The following IL3RA variants were observed in gnomAD, a reference collection of about 807,000 sequenced individuals.
The protein encoded by IL3RA is interleukin 3 receptor subunit alpha, also known as interleukin-3 receptor subunit alpha.
Under a neutral mutation model 52.3 loss-of-function variants are expected in IL3RA, and 73 were observed. The ratio of observed to expected loss-of-function variants is 1.40; its 90% CI spans 1.16 to 1.70. IL3RA has a LOEUF of 1.70. IL3RA is among the 40% of genes most tolerant of loss of function. The pLI, the probability that IL3RA is intolerant of heterozygous loss-of-function variation, is 0.00. For synonymous variants in IL3RA, 260 were observed against 194.0 expected (o/e 1.34, Z -2.83); for missense variants, 664 against 504.4 (o/e 1.32, Z -3.03).
intron 4 of IL3RA, among the ~76,000 whole-genome samples, chrX:1,350,129 G>A (rs1258497795): frequency 2.6e-5 from 4 of 152,154 alleles, no homozygotes; most frequent in African/African-American, 9.7e-5. Flanking sequence ...GCAGGAGTGA[G>A]AGCTGAGAGA....
chrX:1,339,542 C>T (rs1318902131), intron 1 of IL3RA, among the ~76,000 whole-genome samples: 1 of 152,122 alleles, frequency 6.6e-6, no homozygotes, highest in Non-Finnish European at 1.5e-5. Context: ...GCCTGTCATC[C>T]CAGCACTTTG....
rs1410315644 is a variant in IL3RA at position 1,347,028 on chromosome X, A to G, written c.184-1403A>G. ...CCATGGCAAACTGACTCTCAACTTT[A>G]GAAACACAAATGCTGAAAAAAAAAC... is the stretch of plus-strand genomic sequence containing the variant. On this transcript the variant is annotated intron_variant, in intron 3 of 11. Coordinates refer to ENST00000331035, the MANE Select transcript of IL3RA (RefSeq NM_002183.4). 2.0e-5 allele frequency among the ~76,000 whole-genome samples: 3 copies of G among 146,900 alleles called. No individual in the cohort carries two copies. The South Asian group carries it at 6.5e-4, about 32-fold the overall frequency.
At chrX:1,353,495 G>A (rs1221571636) in intron 6 of IL3RA, among the ~76,000 whole-genome samples, 1 of 55,450 alleles carries the variant, frequency 1.8e-5, no homozygotes, top group Non-Finnish European at 3.7e-5. Context: ...TGAGTCATGG[G>A]ACCCCCCATC....
chrX:1,359,525 T>C (rs2087004198), intron 8 of IL3RA, among the ~76,000 whole-genome samples: 1 of 145,664 alleles, frequency 6.9e-6, no homozygotes, highest in Admixed American at 6.9e-5. Context: ...TGTATCTCCC[T>C]CCCTTTTTCC....
At chrX:1,373,876 A>T (rs369901521) in intron 9 of IL3RA, among the ~76,000 whole-genome samples, 1 of 55,896 alleles carries the variant, frequency 1.8e-5, no homozygotes, top group Non-Finnish European at 2.9e-5. Context: ...CCCAGGAGAG[A>T]GGCCTCAGGA....
At chrX:1,344,545 C>T (rs763603703) in intron 2 of IL3RA, among the ~76,000 whole-genome samples, 22 of 150,804 alleles carry the variant, frequency 1.5e-4, no homozygotes, top group East Asian at 4.0e-4. Context: ...GAGGCCGAGG[C>T]GGACAGATCA....
intron 2 of IL3RA, among the ~76,000 whole-genome samples, chrX:1,343,474 G>A (rs2085574673): frequency 6.6e-6 from 1 of 150,522 alleles, no homozygotes; most frequent in Non-Finnish European, 1.5e-5. Flanking sequence ...AAACCAGCTT[G>A]GCCATCATGG....
Position 1,348,723 on chromosome X carries a change from CCTTTCTTTTT to C in IL3RA, c.298+187_298+196del, listed in dbSNP as rs1372375240. 3.5e-5 allele frequency among the ~76,000 whole-genome samples: 2 copies of C among 57,096 alleles called. 1 individual carries two copies. Among genetic ancestry groups the C allele is most frequent in the Non-Finnish European group, 6.4e-5 (2 of 31,384 alleles). The allele number at this position is 57,096 out of a possible 152,430, so 37.5% of individuals were successfully genotyped here. ...TTCTTTCTGTTTCTGTTTCTTTCTT[CCTTTCTTTTT>C]CTTTCTTTCTTTCCTTCTTTCCTCT... On this transcript the variant is annotated intron_variant, in intron 4 of 11. Coordinates refer to ENST00000331035, the MANE Select transcript of IL3RA (RefSeq NM_002183.4).
intron 9 of IL3RA, among the ~76,000 whole-genome samples, chrX:1,368,557 C>G (rs2088362437): frequency 6.6e-6 from 1 of 152,162 alleles, no homozygotes; most frequent in Non-Finnish European, 1.5e-5. Flanking sequence ...CCCAGGACCT[C>G]AGAATGTGAC....
chrX:1,348,437 A>G lies in IL3RA; in HGVS notation c.190A>G (p.Asn64Asp). The change falls in exon 4 of 12, where the codon AAC becomes GAC. Residue 64 changes from asparagine to aspartate, a missense_variant. Asn to Asp is a conservative substitution (Grantham distance 23). Coordinates refer to ENST00000331035, the MANE Select transcript of IL3RA (RefSeq NM_002183.4). ...KDADYSMPAVNNSYCQFGAIS... is the reference protein window; with the variant it reads ...KDADYSMPAVDNSYCQFGAIS... ...AGTCCTATGTCTCTCTTAGGCAGTG[A>G]ACAATAGCTATTGCCAGTTTGGAGC... is the stretch of plus-strand genomic sequence containing the variant. 6.2e-7 allele frequency: 1 copy of G among 1,612,754 alleles called. No individual in the cohort carries two copies. The highest frequency in any genetic ancestry group is 8.5e-7 in the Non-Finnish European group (1 of 1,178,758).
At chrX:1,357,769 A>C (rs2086848111) in intron 7 of IL3RA, among the ~76,000 whole-genome samples, 1 of 151,152 alleles carries the variant, frequency 6.6e-6, no homozygotes, top group Non-Finnish European at 1.5e-5. Flanking sequence ...TATATTACCA[A>C]GTGTTTTTTA....
At chrX:1,344,523 C>CCA (rs1310141650) in intron 2 of IL3RA, among the ~76,000 whole-genome samples, 1 of 151,462 alleles carries the variant, frequency 6.6e-6, no homozygotes, top group Non-Finnish European at 1.5e-5. Context: ...GCTTGTAATC[C>CCA]CAGCACTTTG....
chrX:1,350,311 C>T (rs185429630), intron 4 of IL3RA, among the ~76,000 whole-genome samples: 3,150 of 148,372 alleles, frequency 0.021, 111 homozygotes, highest in African/African-American at 0.074. Flanking sequence ...AAAAATTAGC[C>T]GGGCATGGTG....
chrX:1,361,237 A>C (rs1449359779), intron 8 of IL3RA, among the ~76,000 whole-genome samples: 3 of 144,550 alleles, frequency 2.1e-5, no homozygotes, highest in African/African-American at 5.2e-5. Flanking sequence ...CTCTCCCATT[A>C]TTTCTCTGTG....
intron 1 of IL3RA, among the ~76,000 whole-genome samples, chrX:1,338,199 G>A (rs1299147732): frequency 6.7e-6 from 1 of 149,416 alleles, no homozygotes; most frequent in Non-Finnish European, 1.5e-5. Flanking sequence ...GGAACAAGCA[G>A]CTTTATTCAC....
chrX:1,361,694 A>G (rs1399536040), intron 8 of IL3RA, among the ~76,000 whole-genome samples: 22 of 145,034 alleles, frequency 1.5e-4, no homozygotes, highest in Non-Finnish European at 2.5e-4. Flanking sequence ...CAGAGGTTGC[A>G]GTGAGTTGAG....
Position 1,339,130 on chromosome X carries a change from G to A in IL3RA, c.-39+2204G>A, listed in dbSNP as rs186580154. Among the ~76,000 whole-genome samples the A allele has an allele frequency of 1.4e-3, 211 of 148,858 alleles. 1 individual carries two copies. The highest frequency in any genetic ancestry group is 5.0e-3 in the African/African-American group (192 of 38,442). Reference sequence around the variant, plus strand: ...GCTGGGATTATAGGCGTGAGCCACCGCGCCTGGCCAATGAAAATATTAATC... The same window carrying A: ...GCTGGGATTATAGGCGTGAGCCACCACGCCTGGCCAATGAAAATATTAATC... On this transcript the variant is annotated intron_variant, in intron 1 of 11. Coordinates refer to ENST00000331035, the MANE Select transcript of IL3RA (RefSeq NM_002183.4).
intron 8 of IL3RA, among the ~76,000 whole-genome samples, chrX:1,361,592 T>A (rs2087369860): frequency 6.6e-6 from 1 of 150,844 alleles, no homozygotes. Flanking sequence ...CTACTAAAAA[T>A]AAAAAAAATT....
intron 6 of IL3RA, among the ~76,000 whole-genome samples, chrX:1,353,765 C>G (rs1404583431): frequency 6.9e-6 from 1 of 144,734 alleles, no homozygotes; most frequent in African/African-American, 2.7e-5. Context: ...CATCATGGGT[C>G]ATAGGATCCC....
Sources: allele counts gnomAD v4.1 joint callset (sites outside exome capture counted in the v4.1 genomes callset), GRCh38; gene constraint gnomAD v4.1.1; transcripts MANE v1.5; gene names NCBI Gene and HGNC (gene_info 2026-07-23, HGNC 2026-07-21).